The following SERPINB3 variants were observed in gnomAD, a reference collection of about 807,000 sequenced individuals.
SERPINB3 encodes the protein serpin B3.
SERPINB3 carries 33 observed loss-of-function variants against 33.0 expected under a neutral mutation model. That is an observed-to-expected ratio of 1.00 (90% CI 0.76 to 1.34). SERPINB3 has a LOEUF of 1.34. SERPINB3 is among the 40% of genes most tolerant of loss of function. The pLI is 0.00. For synonymous variants in SERPINB3, 200 were observed against 170.9 expected (o/e 1.17, Z -1.33); for missense variants, 518 against 461.5 (o/e 1.12, Z -1.12).
intron 5 of SERPINB3, among the ~76,000 whole-genome samples, chr18:63,657,893 A>T (rs1311273103): frequency 6.6e-6 from 1 of 151,470 alleles, no homozygotes; most frequent in Non-Finnish European, 1.5e-5. Context: ...GTCAGACACT[A>T]CTTCCGGGGG....
chr18:63,660,170 T>G (rs1913604772), intron 3 of SERPINB3, among the ~76,000 whole-genome samples: 1 of 152,184 alleles, frequency 6.6e-6, no homozygotes, highest in African/African-American at 2.4e-5. Flanking sequence ...TGCCACGTTT[T>G]GAACCTAAGC....
chr18:63,657,203 T>C (rs141246938), intron 6 of SERPINB3, 67 bp downstream of exon 6: 228 of 946,452 alleles, frequency 2.4e-4, no homozygotes, highest in Non-Finnish European at 3.2e-4. Flanking sequence ...CTTGTCATGG[T>C]ACATTCCATC....
intron 4 of SERPINB3, 144 bp from the exon 5 acceptor site, chr18:63,658,774 T>C (rs73962337): frequency 0.017 from 11,167 of 668,476 alleles, 826 homozygotes; most frequent in African/African-American, 0.17. Flanking sequence ...ATTTTTATAC[T>C]GGTGCCATGT....
Position 63,656,045 on chromosome 18 carries a change from G to A in SERPINB3, c.785C>T (p.Thr262Ile). Residue 262 changes from threonine (T) to isoleucine (I), a missense_variant, in exon 8 of 8, where the codon ACT becomes ATT. By Grantham distance (89) the Thr-to-Ile change is moderately conservative. Transcript: ENST00000283752. ...DGLQKLEEKL[T>I]AEKLMEWTSL... ...TGTCCATTCCATCAATTTCTCAGCA[G>A]TGAGTTTCTCTTCAAGCTATACAAA... 1.2e-6 allele frequency: 2 copies of A among 1,613,532 alleles called. No homozygotes were observed. Among genetic ancestry groups the A allele is most frequent in the South Asian group, 1.1e-5 (1 of 91,038 alleles).
rs1214423681 is a variant in SERPINB3 at position 63,661,831 on chromosome 18, G to T, written c.-27+15C>A. ...TAATTCATGTTATTAAGCTGGAGAG[G>T]CTTGAAGCTCTTACCTGTGTTCCTA... On this transcript the variant is annotated intron_variant, in intron 1 of 7. Transcript: ENST00000283752. 6.6e-6 allele frequency: 1 copy of T among 152,526 alleles called. No homozygotes were observed. Among genetic ancestry groups the T allele is most frequent in the Non-Finnish European group, 1.5e-5 (1 of 68,160 alleles). The allele number at this position is 152,526 out of a possible 1,614,324, so 9.4% of individuals were successfully genotyped here.
rs73962337 is a variant in SERPINB3 at position 63,658,774 on chromosome 18, T to A, written c.352-144A>T. 8 of 668,510 alleles carry A rather than the reference T, an allele frequency of 1.2e-5. No individual in the cohort carries two copies. In the South Asian group the frequency reaches 1.3e-4, roughly 11 times the overall value. The allele number at this position is 668,510 out of a possible 1,614,324, so 41.4% of individuals were successfully genotyped here. On this transcript the variant is annotated intron_variant, in intron 4 of 7. Transcript: ENST00000283752. ...CTCCTGTCCATGCATATTTTTATAC[T>A]GGTGCCATGTAGGCAATGCAAAAGC...
At chr18:63,661,417 T>C (rs1913642674) in intron 1 of SERPINB3, among the ~76,000 whole-genome samples, 175 bp from the exon 2 acceptor site, 1 of 152,168 alleles carries the variant, frequency 6.6e-6, no homozygotes, top group African/African-American at 2.4e-5. Flanking sequence ...TTAAATATAT[T>C]AATGTCTTAA....
Position 63,657,292 on chromosome 18 carries a change from T to G in SERPINB3, c.590A>C (p.Glu197Ala). Residue 197 changes from glutamate to alanine, a missense_variant, in exon 6 of 8, where the codon GAG becomes GCG. Physicochemically the swap from Glu to Ala is moderately radical, Grantham distance 107. Transcript: ENST00000283752. ...TACCTTGTTTGGCCAAAATTTTTCC[T>G]CTTTAGTATCTTCTTTATTAAATTT... ...EKKFNKEDTK[E>A]EKFWPNKNTY... 1 of 1,589,542 alleles carries G rather than the reference T, an allele frequency of 6.3e-7. No homozygotes were observed. The highest frequency in any genetic ancestry group is 8.6e-7 in the Non-Finnish European group (1 of 1,165,002).
chr18:63,655,861 G>C lies in SERPINB3; in HGVS notation c.969C>G (p.Leu323=), dbSNP rs759769723. The change falls in exon 8 of 8, where the codon CTC becomes CTG. Residue 323 remains leucine, a synonymous_variant. Coordinates refer to ENST00000283752, the MANE Select transcript of SERPINB3 (RefSeq NM_006919.3). ...DLSGMTGSRG[L]VLSGVLHKAF... ...CCTTGTGTAGGACTCCAGATAGCAC[G>C]AGACCGCGGCTCCCGGTCATGCCTG... The C allele has an allele frequency of 4.3e-6, 7 of 1,613,952 alleles. No homozygotes were observed. Among genetic ancestry groups the C allele is most frequent in the African/African-American group, 1.3e-5 (1 of 75,014 alleles).
chr18:63,655,601 T>A lies in SERPINB3; in HGVS notation c.*56A>T. On this transcript the variant is annotated 3_prime_UTR_variant, in exon 8 of 8. Transcript: ENST00000283752. ...GAATCTGTTGTTGCCAGCAATCAGT[T>A]TACCAGAACATCTGCAGGTGAACAT... 1.3e-6 allele frequency: 2 copies of A among 1,528,376 alleles called. No homozygotes were observed. The highest frequency in any genetic ancestry group is 1.8e-6 in the Non-Finnish European group (2 of 1,131,782). 94.7% of individuals were successfully genotyped at this position (1,528,376 alleles called of 1,614,324 possible).
intron 4 of SERPINB3, 27 bp from the exon 5 acceptor site, chr18:63,658,657 G>A: frequency 6.5e-7 from 1 of 1,549,512 alleles, no homozygotes; most frequent in Non-Finnish European, 8.9e-7. Context: ...AAGAAAGTAG[G>A]AAGTAAGAGT....
chr18:63,655,760 G>A lies in SERPINB3; in HGVS notation c.1070C>T (p.Thr357Ile). The change falls in exon 8 of 8, where the codon ACT becomes ATT. Residue 357 changes from threonine (T) to isoleucine (I), a missense_variant. Physicochemically the swap from Thr to Ile is moderately conservative, Grantham distance 89. Transcript: ENST00000283752. The stretch of plus-strand genomic sequence containing the variant: ...ACAATGGAACTCTTCATTAGTTGAA[G>A]TAGGTGATGATCCGAATCCTACTAC... Reference protein sequence around the residue: ...TAVVGFGSSPTSTNEEFHCNH... With the variant: ...TAVVGFGSSPISTNEEFHCNH... 6.2e-7 allele frequency: 1 copy of A among 1,613,380 alleles called. No individual in the cohort carries two copies. The highest frequency in any genetic ancestry group is 8.5e-7 in the Non-Finnish European group (1 of 1,179,944).
At chr18:63,660,005 A>C (rs971400313) in intron 3 of SERPINB3, among the ~76,000 whole-genome samples, 1 of 152,172 alleles carries the variant, frequency 6.6e-6, no homozygotes, top group African/African-American at 2.4e-5. Flanking sequence ...CTGTTTCCTC[A>C]TGATGGTCAT....
chr18:63,656,763 G>A (rs1328124244), intron 7 of SERPINB3, 68 bp downstream of exon 7: 2 of 1,510,018 alleles, frequency 1.3e-6, no homozygotes, highest in Admixed American at 1.9e-5. Context: ...CTTTTACCTT[G>A]TTTAAACTTG....
chr18:63,658,809 G>A (rs571095928), intron 4 of SERPINB3, among the ~76,000 whole-genome samples, 179 bp from the exon 5 acceptor site: 1 of 152,246 alleles, frequency 6.6e-6, no homozygotes, highest in East Asian at 1.9e-4. Flanking sequence ...CGGAGTGCGG[G>A]CTGGCGCAAG....
chr18:63,658,693 A>G (rs1913562576), intron 4 of SERPINB3, 63 bp from the exon 5 acceptor site: 1 of 1,248,384 alleles, frequency 8.0e-7, no homozygotes, highest in Admixed American at 1.9e-5. Context: ...ATATTACCAA[A>G]TTTAGTTATT....
chr18:63,656,646 T>C (rs1428120375), intron 7 of SERPINB3, among the ~76,000 whole-genome samples, 185 bp downstream of exon 7: 1 of 152,234 alleles, frequency 6.6e-6, no homozygotes, highest in African/African-American at 2.4e-5. Context: ...TCATTAACTA[T>C]GCCTTCAGTT....
At chr18:63,659,245 G>A in intron 4 of SERPINB3, 154 bp downstream of exon 4, 1 of 774,298 alleles carries the variant, frequency 1.3e-6, no homozygotes, top group South Asian at 1.6e-5. Flanking sequence ...ACACTCCAGT[G>A]GGGGAGAGTT....
intron 5 of SERPINB3, among the ~76,000 whole-genome samples, chr18:63,657,708 A>G (rs1318298258): frequency 6.6e-6 from 1 of 151,604 alleles, no homozygotes; most frequent in Non-Finnish European, 1.5e-5. Flanking sequence ...TGGAATACTG[A>G]TAAACTGATT....
Sources: gnomAD v4.1 joint callset for allele counts (sites outside exome capture counted in the v4.1 genomes callset) on GRCh38, gnomAD v4.1.1 for gene constraint, MANE v1.5 for transcripts, NCBI Gene and HGNC (gene_info 2026-07-23, HGNC 2026-07-21) for gene names.